Variants in LOC112694756 observed in about 807,000 individuals in gnomAD.
chr16:30,066,661 C>G, the LOC112694756 span, among the ~76,000 whole-genome samples: 1 of 152,188 alleles, frequency 6.6e-6, no homozygotes, highest in Admixed American at 6.5e-5. Context: ...TCCTTGAAGC[C>G]TTGGAGCCCG....
chr16:30,062,439 G>A, the LOC112694756 span, among the ~76,000 whole-genome samples: 1 of 151,808 alleles, frequency 6.6e-6, no homozygotes, highest in African/African-American at 2.4e-5. Context: ...GGCTGAGGCA[G>A]GAGAATCGCT....
the LOC112694756 span, among the ~76,000 whole-genome samples, chr16:30,061,231 A>G: frequency 2.0e-4 from 30 of 152,262 alleles, no homozygotes; most frequent in Non-Finnish European, 3.2e-4. Context: ...CGCTGCTCCT[A>G]TTCCCCAAAG....
chr16:30,067,874 G>A, the LOC112694756 span: 42 of 633,240 alleles, frequency 6.6e-5, no homozygotes, highest in Non-Finnish European at 1.0e-4. Flanking sequence ...CAGAAGCTCA[G>A]GGAAGTGAAG....
chr16:30,066,984 T>C, the LOC112694756 span: 2 of 1,558,656 alleles, frequency 1.3e-6, no homozygotes, highest in Non-Finnish European at 1.7e-6. Flanking sequence ...CAGTTGCCAG[T>C]GGGCAACTCC....
the LOC112694756 span, among the ~76,000 whole-genome samples, chr16:30,056,105 G>GTTTTTT: frequency 3.3e-5 from 4 of 119,562 alleles, no homozygotes; most frequent in African/African-American, 9.6e-5. Flanking sequence ...CCCAGCCATG[G>GTTTTTT]TTTTTTTTTT....
chr16:30,066,942 C>G, the LOC112694756 span: 2 of 1,551,106 alleles, frequency 1.3e-6, no homozygotes, highest in South Asian at 1.2e-5. Flanking sequence ...ACATGACCCA[C>G]CTGTCCATGG....
the LOC112694756 span, among the ~76,000 whole-genome samples, chr16:30,065,096 C>T: frequency 6.6e-6 from 1 of 152,178 alleles, no homozygotes; most frequent in African/African-American, 2.4e-5. Context: ...AGAGCGCGCA[C>T]GCATGCGCGA....
chr16:30,066,404 C>G, the LOC112694756 span, among the ~76,000 whole-genome samples: 1 of 152,240 alleles, frequency 6.6e-6, no homozygotes, highest in Non-Finnish European at 1.5e-5. Flanking sequence ...GACCTTGATT[C>G]TGAGCCCGGA....
chr16:30,069,237 G>C, the LOC112694756 span: 1 of 1,537,534 alleles, frequency 6.5e-7, no homozygotes, highest in African/African-American at 1.4e-5. Flanking sequence ...TTGACCAGTG[G>C]CTGTGGAGAG....
chr16:30,055,342 T>A, the LOC112694756 span: 2 of 399,026 alleles, frequency 5.0e-6, no homozygotes, highest in African/African-American at 2.1e-5. Flanking sequence ...GTTCCATTCC[T>A]ACCCCCTGCC....
At chr16:30,061,943 C>T in the LOC112694756 span, among the ~76,000 whole-genome samples, 2 of 152,018 alleles carry the variant, frequency 1.3e-5, no homozygotes, top group African/African-American at 2.4e-5. Context: ...TGGCTCACAC[C>T]TGTAATCCCA....
chr16:30,070,205 C>G, the LOC112694756 span: 3 of 1,614,138 alleles, frequency 1.9e-6, no homozygotes, highest in Non-Finnish European at 2.5e-6. Flanking sequence ...TCTAACCACG[C>G]CTATTAAGCG....
At chr16:30,067,294 A>G in the LOC112694756 span, 11 of 1,612,734 alleles carry the variant, frequency 6.8e-6, no homozygotes, top group Middle Eastern at 2.0e-4. Flanking sequence ...GGAGCAGAAG[A>G]AGGAGCTGTC....
At chr16:30,053,971 C>A in the LOC112694756 span, among the ~76,000 whole-genome samples, 1 of 152,024 alleles carries the variant, frequency 6.6e-6, no homozygotes, top group South Asian at 2.1e-4. Flanking sequence ...GAGGCTGCAG[C>A]GAGCCATGAT....
At chr16:30,064,817 G>T in the LOC112694756 span, 6 of 154,928 alleles carry the variant, frequency 3.9e-5, no homozygotes, top group East Asian at 3.8e-4. Flanking sequence ...CCGGGGTGGG[G>T]ATGGGGTTGG....
At chr16:30,067,375 A>C in the LOC112694756 span, 1 of 1,614,048 alleles carries the variant, frequency 6.2e-7, no homozygotes, top group Non-Finnish European at 8.5e-7. Flanking sequence ...TGGTGCGGGC[A>C]GGAGACAGAA....
chr16:30,058,560 A>G, the LOC112694756 span, among the ~76,000 whole-genome samples: 50 of 149,778 alleles, frequency 3.3e-4, no homozygotes, highest in African/African-American at 1.2e-3. Context: ...ATCTTGGCTC[A>G]CTTCAACCTC....
the LOC112694756 span, among the ~76,000 whole-genome samples, chr16:30,060,491 C>A: frequency 6.6e-6 from 1 of 152,190 alleles, no homozygotes; most frequent in African/African-American, 2.4e-5. Context: ...CTTGCGGAGT[C>A]CTTGTTTAAT....
chr16:30,063,628 G>T, the LOC112694756 span: 1 of 398,360 alleles, frequency 2.5e-6, no homozygotes. Flanking sequence ...TGTTCCACTG[G>T]GCAAGTGAGA....
Sources: gnomAD v4.1 joint callset for allele counts (sites outside exome capture counted in the v4.1 genomes callset) on GRCh38, gnomAD v4.1.1 for gene constraint, MANE v1.5 for transcripts.